SMAD1: variants seen among roughly 807,000 people sequenced by gnomAD.
The protein encoded by SMAD1 is MAD, mothers against decapentaplegic homolog 1.
SMAD1 carries 6 observed loss-of-function variants against 41.6 expected under a neutral mutation model. The observed-to-expected ratio is 0.14, with a 90% CI of 0.08 to 0.28. The LOEUF is 0.28. SMAD1 is among the 10% of genes least tolerant of loss of function. SMAD1 has a pLI of 1.00. For synonymous variants in SMAD1, 206 were observed against 203.2 expected, an observed-to-expected ratio of 1.01 and a Z score of -0.12; for missense variants, 379 against 582.6, an observed-to-expected ratio of 0.65 and a Z score of 3.60.
rs139968299 is a variant in SMAD1 at position 145,521,510 on chromosome 4, C to T, written c.400+6497C>T. 4.4e-3 allele frequency among the ~76,000 whole-genome samples: 671 copies of T among 152,228 alleles called. 2 individuals carry two copies. Among genetic ancestry groups the T allele is most frequent in the Non-Finnish European group, 6.5e-3 (439 of 68,014 alleles). ...ATGGCTGCCAGCTGTTTAAAATTCA[C>T]GTAAAATCCTCTTCACCTGTTGACT... On this transcript the variant is annotated intron_variant, in intron 2 of 6. Transcript: ENST00000302085.
chr4:145,507,175 GTT>G (rs573136214), intron 1 of SMAD1, among the ~76,000 whole-genome samples: 1 of 141,734 alleles, frequency 7.1e-6, no homozygotes. Context: ...ATTTTTGTGG[GTT>G]TTTTTTTTTT....
At chr4:145,488,597 G>A (rs150581494) in intron 1 of SMAD1, among the ~76,000 whole-genome samples, 59 of 150,550 alleles carry the variant, frequency 3.9e-4, no homozygotes, top group African/African-American at 1.4e-3. Context: ...GAAAAAAGGT[G>A]GGGGGGAGAC....
intron 4 of SMAD1, chr4:145,544,700 T>G (rs1487410317): frequency 6.6e-6 from 1 of 152,234 alleles, no homozygotes; most frequent in African/African-American, 2.4e-5. Context: ...ATCTTTTTTA[T>G]TGCCTCTGTA....
intron 4 of SMAD1, 46 bp from the exon 5 acceptor site, chr4:145,546,657 G>A: frequency 7.1e-7 from 1 of 1,403,842 alleles, no homozygotes; most frequent in East Asian, 2.3e-5. Flanking sequence ...GTTTTTGAGA[G>A]CCTGAGGCAC....
chr4:145,483,313 A>G (rs1218925582), intron 1 of SMAD1: 1 of 152,198 alleles, frequency 6.6e-6, no homozygotes, highest in Non-Finnish European at 1.5e-5. Flanking sequence ...TGAAACTCTC[A>G]GCCGCTAAAT....
At chr4:145,528,036 A>G (rs1390135990) in intron 2 of SMAD1, among the ~76,000 whole-genome samples, 4 of 132,848 alleles carry the variant, frequency 3.0e-5, no homozygotes, top group African/African-American at 1.1e-4. Context: ...ATGCACTACC[A>G]CTCTCGGCTA....
At chr4:145,535,661 G>GA (rs1376936131) in intron 2 of SMAD1, among the ~76,000 whole-genome samples, 14 of 152,052 alleles carry the variant, frequency 9.2e-5, no homozygotes, top group Admixed American at 8.5e-4. Context: ...GGATAAGCCA[G>GA]AAAAAAATGA....
chr4:145,499,535 C>G (rs1729302326), intron 1 of SMAD1, among the ~76,000 whole-genome samples: 1 of 152,124 alleles, frequency 6.6e-6, no homozygotes, highest in Admixed American at 6.5e-5. Flanking sequence ...GTAGGAGGAT[C>G]ACTTGAACCT....
rs191869932 is a variant in SMAD1, at chr4:145,518,631, A to G, written c.400+3618A>G. Among the ~76,000 whole-genome samples the G allele has an allele frequency of 3.9e-5, 5 of 126,948 alleles. 1 individual carries two copies. Among genetic ancestry groups the G allele is most frequent in the East Asian group, 2.0e-4 (1 of 5,070 alleles). The allele number at this position is 126,948 out of a possible 152,430, so 83.3% of individuals were successfully genotyped here. A position where few individuals can be genotyped will look rare whatever the true frequency, so the allele number is the denominator to read the frequency against. On this transcript the variant is annotated intron_variant, in intron 2 of 6. Transcript: ENST00000302085. ...GGGGGTCTGGAATTCTAAGCTGCACATATACACAGCTCAACACTGAATTAT... is the reference window on the plus strand; with the variant it reads ...GGGGGTCTGGAATTCTAAGCTGCACGTATACACAGCTCAACACTGAATTAT...
intron 2 of SMAD1, among the ~76,000 whole-genome samples, chr4:145,531,184 C>T (rs1485638587): frequency 6.6e-6 from 1 of 152,230 alleles, no homozygotes. Flanking sequence ...TTCCAAGAAT[C>T]ATTTCTTCAG....
chr4:145,490,889 A>G (rs571180995), intron 1 of SMAD1, among the ~76,000 whole-genome samples: 56 of 152,352 alleles, frequency 3.7e-4, no homozygotes, highest in African/African-American at 1.3e-3. Context: ...TGTGGCTTTT[A>G]TTACAGCATT....
chr4:145,528,515 T>G (rs1224663236), intron 2 of SMAD1, among the ~76,000 whole-genome samples: 2 of 152,224 alleles, frequency 1.3e-5, no homozygotes, highest in Non-Finnish European at 2.9e-5. Context: ...GTGCCAGGAT[T>G]ACAGGCGTGA....
At chr4:145,501,661 A>T (rs1447115960) in intron 1 of SMAD1, among the ~76,000 whole-genome samples, 3 of 149,762 alleles carry the variant, frequency 2.0e-5, no homozygotes, top group Non-Finnish European at 4.4e-5. Flanking sequence ...TTTTAAAGGG[A>T]TAGTTTTTTC....
chr4:145,536,145 G>A (rs1204875388), intron 2 of SMAD1, among the ~76,000 whole-genome samples: 2 of 152,108 alleles, frequency 1.3e-5, no homozygotes, highest in African/African-American at 2.4e-5. Context: ...AGGAGATACA[G>A]ATAGGAAATA....
intron 1 of SMAD1, among the ~76,000 whole-genome samples, chr4:145,511,342 A>G (rs112431411): frequency 0.014 from 2,086 of 152,284 alleles, 63 homozygotes; most frequent in African/African-American, 0.048. Flanking sequence ...CAGTGGCACA[A>G]TCATAACACC....
intron 2 of SMAD1, among the ~76,000 whole-genome samples, chr4:145,523,881 A>G (rs1292322694): frequency 6.6e-6 from 1 of 151,956 alleles, no homozygotes; most frequent in Non-Finnish European, 1.5e-5. Context: ...TCTACATGGA[A>G]GTTCTTTTTT....
Position 145,508,518 on chromosome 4 carries a change from G to T in SMAD1, c.-176-5920G>T, listed in dbSNP as rs1232295428. On this transcript the variant is annotated intron_variant, in intron 1 of 6. Transcript: ENST00000302085. ...AGGTATTGTTGCTAAGATTAAACTG[G>T]TTAATAGATAAACAGCAGTGAACAG... 2.6e-5 allele frequency among the ~76,000 whole-genome samples: 4 copies of T among 151,932 alleles called. No homozygotes were observed. The East Asian group carries it at 7.7e-4, about 29-fold the overall frequency.
chr4:145,502,339 T>C (rs1432612680), intron 1 of SMAD1, among the ~76,000 whole-genome samples: 4 of 152,070 alleles, frequency 2.6e-5, no homozygotes, highest in Non-Finnish European at 5.9e-5. Flanking sequence ...GGGGGTTCAA[T>C]GGGATTAAGG....
At chr4:145,491,694 C>G (rs1728775083) in intron 1 of SMAD1, among the ~76,000 whole-genome samples, 1 of 152,076 alleles carries the variant, frequency 6.6e-6, no homozygotes. Context: ...AGGCAGGCAC[C>G]CTGCTTCCCT....
Sources: allele counts gnomAD v4.1 joint callset (sites outside exome capture counted in the v4.1 genomes callset), GRCh38; gene constraint gnomAD v4.1.1; transcripts MANE v1.5; gene names NCBI Gene and HGNC (gene_info 2026-07-23, HGNC 2026-07-21).